Variants in FILIP1 observed in about 807,000 individuals in gnomAD.
FILIP1 encodes filamin A interacting protein 1.
A neutral mutation model predicts 102.1 loss-of-function variants in FILIP1; 61 were observed. The ratio of observed to expected loss-of-function variants is 0.60; its 90% confidence interval spans 0.49 to 0.74. FILIP1 has a LOEUF of 0.74. FILIP1 is among the 30% of genes least tolerant of loss of function. The pLI, the probability that FILIP1 is intolerant of heterozygous loss-of-function variation, is 0.00. For synonymous variants in FILIP1, 491 were observed against 526.9 expected (o/e 0.93, Z 0.93); for missense variants, 1,314 against 1,441.2 (o/e 0.91, Z 1.43).
intron 4 of FILIP1, among the ~76,000 whole-genome samples, chr6:75,339,947 A>AAAAT (rs1024215007): frequency 2.0e-5 from 3 of 151,852 alleles, no homozygotes; most frequent in Admixed American, 1.3e-4. Context: ...GACTCTGTCT[A>AAAAT]AAATAAATAA....
rs1779420364 is a variant in FILIP1, at chr6:75,474,573, T to C, written c.-7+18841A>G. On this transcript the variant is annotated intron_variant, in intron 1 of 5. Transcript: ENST00000237172. ...AGAACTGAGATGCTAGTTCTTTTTTTCTTCCAGCAGTGCTTGCTTGGGAGG... is the reference window on the plus strand; with the variant it reads ...AGAACTGAGATGCTAGTTCTTTTTTCCTTCCAGCAGTGCTTGCTTGGGAGG... Among the ~76,000 whole-genome samples, 3 of 152,214 alleles carry C rather than the reference T, an allele frequency of 2.0e-5. 1 individual carries two copies. The South Asian group carries it at 6.2e-4, about 32-fold the overall frequency.
At chr6:75,319,798 C>A in intron 4 of FILIP1, 1 of 334,380 alleles carries the variant, frequency 3.0e-6, no homozygotes, top group Non-Finnish European at 5.5e-6. Context: ...CCACTGCACT[C>A]CAGCCTGGGC....
chr6:75,493,629 C>T lies in FILIP1; in HGVS notation c.-222G>A, dbSNP rs1308857989. On this transcript the variant is annotated 5_prime_UTR_variant, in exon 1 of 6. Transcript: ENST00000237172. ...GAAACAGAGTAGAGAGGAGGGAAAG[C>T]AGCTTCTTCTCCCTGAAATCCCGAT... 1 of 152,190 alleles carries T rather than the reference C, an allele frequency of 6.6e-6. No homozygotes were observed. Among genetic ancestry groups the T allele is most frequent in the Non-Finnish European group, 1.5e-5 (1 of 68,036 alleles). The allele number at this position is 152,190 out of a possible 1,614,324, so 9.4% of individuals were successfully genotyped here. A position where few individuals can be genotyped will look rare whatever the true frequency, so the allele number is the denominator to read the frequency against.
At position 75,313,188 on chromosome 6, in the gene FILIP1, T is replaced by C. The variant is rs1476893316; in HGVS notation, c.2644A>G (p.Ile882Val). Reference protein sequence around the residue: ...WMRKRENGPSITQEKGPRTNS... With the variant: ...WMRKRENGPSVTQEKGPRTNS... ...GTTCGGGGCCCTTTCTCCTGAGTGA[T>C]GGAGGGGCCGTTTTCCCTCTTTCTC... The change falls in exon 5 of 6, where the codon ATC becomes GTC. Residue 882 changes from isoleucine (I) to valine (V), a missense_variant. Transcript: ENST00000237172. This position sits in a 1 kb window ranked among gnomAD's most constrained non-coding sequence, Gnocchi z 4.2. 1.2e-6 allele frequency: 2 copies of C among 1,614,182 alleles called. No homozygotes were observed. The highest frequency in any genetic ancestry group is 1.1e-5 in the South Asian group (1 of 91,082).
intron 1 of FILIP1, among the ~76,000 whole-genome samples, chr6:75,461,682 A>T (rs1779026529): frequency 6.6e-6 from 1 of 152,136 alleles, no homozygotes; most frequent in African/African-American, 2.4e-5. Context: ...ATTTCTTTAG[A>T]CCCATTTTAT....
rs577167054 is a variant in FILIP1, at chr6:75,308,434, C to T, written c.*257G>A. 1,068 of 1,279,302 alleles carry T rather than the reference C, an allele frequency of 8.3e-4. 17 individuals carry two copies. The South Asian group carries it at 0.013, about 16-fold the overall frequency. The allele number at this position is 1,279,302 out of a possible 1,614,324, so 79.2% of individuals were successfully genotyped here. A position where few individuals can be genotyped will look rare whatever the true frequency, so the allele number is the denominator to read the frequency against. On this transcript the variant is annotated 3_prime_UTR_variant, in exon 6 of 6. Coordinates refer to ENST00000237172, the MANE Select transcript of FILIP1 (RefSeq NM_015687.5). Reference sequence around the variant, plus strand: ...GCTCAGATGGGTCTATTGATGGGTCCACTTGCTAGAAGCAAAACTGGAACT... The same window carrying T: ...GCTCAGATGGGTCTATTGATGGGTCTACTTGCTAGAAGCAAAACTGGAACT...
At chr6:75,296,914 A>C (rs1328040087) in intron 6 of FILIP1, 1 of 152,160 alleles carries the variant, frequency 6.6e-6, no homozygotes, top group Non-Finnish European at 1.5e-5. Flanking sequence ...ATGAACATTT[A>C]TCAGTATGAC....
chr6:75,429,013 A>G (rs1247530760), intron 1 of FILIP1, among the ~76,000 whole-genome samples: 3 of 152,068 alleles, frequency 2.0e-5, no homozygotes, highest in South Asian at 2.1e-4. Flanking sequence ...ATTACTCACT[A>G]TTACCTCTTT....
chr6:75,473,446 A>G (rs1779386887), intron 1 of FILIP1, among the ~76,000 whole-genome samples: 1 of 152,176 alleles, frequency 6.6e-6, no homozygotes. Context: ...AGTTATACAG[A>G]TGAATATCCT....
At chr6:75,404,946 G>A (rs1225128291) in intron 2 of FILIP1, among the ~76,000 whole-genome samples, 1 of 152,138 alleles carries the variant, frequency 6.6e-6, no homozygotes, top group African/African-American at 2.4e-5. Context: ...TGTAAACACA[G>A]TAAAGTGTCT....
At chr6:75,320,244 T>G (rs563792522) in intron 4 of FILIP1, among the ~76,000 whole-genome samples, 1 of 152,184 alleles carries the variant, frequency 6.6e-6, no homozygotes, top group South Asian at 2.1e-4. Context: ...AGAATGAAGA[T>G]ATAAACTTGA....
intron 1 of FILIP1, among the ~76,000 whole-genome samples, chr6:75,426,908 A>C (rs1777645840): frequency 6.6e-6 from 1 of 152,076 alleles, no homozygotes; most frequent in Admixed American, 6.6e-5. Flanking sequence ...TTCATTTTGC[A>C]CGGGACCCTC....
chr6:75,297,181 C>T (rs559511574), intron 6 of FILIP1, among the ~76,000 whole-genome samples: 9 of 152,138 alleles, frequency 5.9e-5, no homozygotes, highest in African/African-American at 2.2e-4. Flanking sequence ...GAAATTTCTA[C>T]CTATTATTTT....
At chr6:75,381,659 T>G (rs998706698) in intron 2 of FILIP1, among the ~76,000 whole-genome samples, 2 of 152,228 alleles carry the variant, frequency 1.3e-5, no homozygotes, top group African/African-American at 2.4e-5. Context: ...AAACTGCTTG[T>G]GTATGTAGAC....
intron 1 of FILIP1, among the ~76,000 whole-genome samples, chr6:75,430,333 A>G (rs1228808238): frequency 6.6e-6 from 1 of 152,178 alleles, no homozygotes; most frequent in Non-Finnish European, 1.5e-5. Context: ...AAAGACTAAT[A>G]CAGTGGTTTT....
At chr6:75,353,171 G>A (rs1221909500) in intron 4 of FILIP1, among the ~76,000 whole-genome samples, 3 of 151,562 alleles carry the variant, frequency 2.0e-5, no homozygotes, top group African/African-American at 7.3e-5. Context: ...AAACCTGCAC[G>A]TTGTGCACAT....
chr6:75,402,645 C>A (rs2149673440), intron 2 of FILIP1, among the ~76,000 whole-genome samples: 1 of 152,188 alleles, frequency 6.6e-6, no homozygotes, highest in East Asian at 1.9e-4. Context: ...ATAAATGGTA[C>A]CCCTGAAGGA....
At chr6:75,461,572 G>A (rs180967168) in intron 1 of FILIP1, among the ~76,000 whole-genome samples, 15 of 152,284 alleles carry the variant, frequency 9.9e-5, no homozygotes, top group South Asian at 6.2e-4. Flanking sequence ...AGTTTGTCCT[G>A]ATTTGTAACA....
At chr6:75,431,940 T>C (rs1330177733) in intron 1 of FILIP1, among the ~76,000 whole-genome samples, 2 of 152,222 alleles carry the variant, frequency 1.3e-5, no homozygotes, top group African/African-American at 4.8e-5. Flanking sequence ...ACATGAATTG[T>C]CTAAAAATAA....
Sources: allele counts gnomAD v4.1 joint callset (sites outside exome capture counted in the v4.1 genomes callset), GRCh38; gene constraint gnomAD v4.1.1; non-coding constraint Gnocchi (gnomAD v3.1); transcripts MANE v1.5; gene names NCBI Gene and HGNC (gene_info 2026-07-23, HGNC 2026-07-21).